BCL2: variants seen among roughly 807,000 people sequenced by gnomAD.
BCL2 encodes apoptosis regulator Bcl-2.
A neutral mutation model predicts 14.2 loss-of-function variants in BCL2; 1 was observed. That is an observed-to-expected ratio of 0.07 (90% CI 0.02 to 0.33). BCL2 has a LOEUF of 0.33. BCL2 is among the 10% of genes least tolerant of loss of function. BCL2 has a pLI of 0.99. For missense variants in BCL2, 247 were observed against 305.9 expected, an observed-to-expected ratio of 0.81 and a Z score of 1.44; for synonymous variants, 151 against 137.2, an observed-to-expected ratio of 1.10 and a Z score of -0.70.
At chr18:63,316,568 G>A (rs1263947968) in intron 2 of BCL2, 1 of 152,124 alleles carries the variant, frequency 6.6e-6, no homozygotes, top group African/African-American at 2.4e-5. Flanking sequence ...AACAATTCAA[G>A]AAGAGGATTT....
intron 2 of BCL2, among the ~76,000 whole-genome samples, chr18:63,209,543 A>T (rs1206471616): frequency 6.6e-6 from 1 of 152,104 alleles, no homozygotes; most frequent in Non-Finnish European, 1.5e-5. Context: ...AACCCAATAC[A>T]CTGTACCCAA....
intron 2 of BCL2, among the ~76,000 whole-genome samples, chr18:63,240,735 T>C (rs998023047): frequency 6.6e-6 from 1 of 152,250 alleles, no homozygotes; most frequent in African/African-American, 2.4e-5. Context: ...GCAATTTAGC[T>C]ATTTCTTGTC....
intron 2 of BCL2, chr18:63,314,664 T>C (rs1913441506): frequency 6.6e-6 from 1 of 152,192 alleles, no homozygotes; most frequent in Non-Finnish European, 1.5e-5. Context: ...ACTCAATCCC[T>C]TGCCTGCAAG....
intron 2 of BCL2, among the ~76,000 whole-genome samples, chr18:63,251,039 A>G (rs1270067316): frequency 2.0e-5 from 3 of 152,128 alleles, no homozygotes; most frequent in African/African-American, 7.2e-5. Context: ...TTGACGTAAG[A>G]CAAATTAACA....
intron 2 of BCL2, among the ~76,000 whole-genome samples, chr18:63,231,326 C>G (rs962410564): frequency 6.6e-6 from 1 of 151,708 alleles, no homozygotes; most frequent in African/African-American, 2.4e-5. Flanking sequence ...TCTCACCACT[C>G]TATTCATTAT....
intron 2 of BCL2, among the ~76,000 whole-genome samples, chr18:63,179,216 T>C (rs1388090285): frequency 1.3e-5 from 2 of 152,074 alleles, no homozygotes; most frequent in Non-Finnish European, 2.9e-5. Flanking sequence ...CCCCTGAACA[T>C]TTCCTGTGAG....
chr18:63,155,753 C>T (rs2144613018), intron 2 of BCL2, among the ~76,000 whole-genome samples: 1 of 152,304 alleles, frequency 6.6e-6, no homozygotes, highest in East Asian at 1.9e-4. Flanking sequence ...AGATGCCAGG[C>T]ACTCTGCCAA....
intron 2 of BCL2, chr18:63,315,484 C>A (rs1467262055): frequency 6.6e-6 from 1 of 152,200 alleles, no homozygotes; most frequent in Non-Finnish European, 1.5e-5. Flanking sequence ...TCACAAGGTT[C>A]CAATTTTCTA....
At chr18:63,293,960 C>G (rs1599295502) in intron 2 of BCL2, among the ~76,000 whole-genome samples, 1 of 147,858 alleles carries the variant, frequency 6.8e-6, no homozygotes, top group South Asian at 2.1e-4. Flanking sequence ...CTTTTTTTCT[C>G]TTTTTTTTTT....
At chr18:63,134,465 T>C (rs941197388) in intron 2 of BCL2, among the ~76,000 whole-genome samples, 1 of 152,170 alleles carries the variant, frequency 6.6e-6, no homozygotes, top group Non-Finnish European at 1.5e-5. Context: ...AGAACTCTCA[T>C]GAGCTCTGCC....
intron 2 of BCL2, among the ~76,000 whole-genome samples, chr18:63,311,839 GTCA>G (rs1371441126): frequency 1.3e-5 from 2 of 152,184 alleles, no homozygotes; most frequent in African/African-American, 4.8e-5. Context: ...ATACCAGTAT[GTCA>G]GGGAGATTCC....
At chr18:63,276,943 G>A (rs778281696) in intron 2 of BCL2, among the ~76,000 whole-genome samples, 3 of 152,176 alleles carry the variant, frequency 2.0e-5, no homozygotes, top group Non-Finnish European at 4.4e-5. Context: ...TTTCATCATT[G>A]AAGAGTGAAA....
intron 2 of BCL2, among the ~76,000 whole-genome samples, chr18:63,185,806 G>T (rs568672463): frequency 6.6e-6 from 1 of 152,348 alleles, no homozygotes; most frequent in East Asian, 1.9e-4. Flanking sequence ...AGTCAACACA[G>T]CTAGTAAGTA....
At chr18:63,286,752 G>A (rs985248652) in intron 2 of BCL2, among the ~76,000 whole-genome samples, 1 of 152,170 alleles carries the variant, frequency 6.6e-6, no homozygotes, top group Non-Finnish European at 1.5e-5. Flanking sequence ...GATGGCACAG[G>A]ATGGTGGGAA....
intron 2 of BCL2, among the ~76,000 whole-genome samples, chr18:63,142,411 C>T (rs1214077392): frequency 6.6e-6 from 1 of 152,254 alleles, no homozygotes; most frequent in African/African-American, 2.4e-5. Flanking sequence ...GCCCTGATGA[C>T]CTACCGCAGG....
At chr18:63,176,927 T>G (rs1396883041) in intron 2 of BCL2, among the ~76,000 whole-genome samples, 17 of 151,950 alleles carry the variant, frequency 1.1e-4, no homozygotes, top group Non-Finnish European at 2.4e-4. Context: ...TTTCTTTTTT[T>G]TTTTTTGAGA....
chr18:63,164,173 C>A (rs1056496197), intron 2 of BCL2, among the ~76,000 whole-genome samples: 3 of 152,168 alleles, frequency 2.0e-5, no homozygotes, highest in African/African-American at 7.2e-5. Flanking sequence ...CCTCAGGACC[C>A]TGTGATATGG....
At chr18:63,246,099 C>T (rs542530619) in intron 2 of BCL2, among the ~76,000 whole-genome samples, 12 of 152,190 alleles carry the variant, frequency 7.9e-5, no homozygotes, top group Non-Finnish European at 1.3e-4. Context: ...TGCATTACAA[C>T]GAGCATTCTA....
intron 2 of BCL2, among the ~76,000 whole-genome samples, chr18:63,189,691 G>T (rs1039969333): frequency 1.3e-5 from 2 of 149,418 alleles, no homozygotes; most frequent in Non-Finnish European, 3.0e-5. Context: ...ACGAGAACTG[G>T]TGTCCCACCC....
Sources: allele counts gnomAD v4.1 joint callset (sites outside exome capture counted in the v4.1 genomes callset), GRCh38; gene constraint gnomAD v4.1.1; transcripts MANE v1.5; gene names NCBI Gene and HGNC (gene_info 2026-07-23, HGNC 2026-07-21).